Variants in HNF4G observed in about 807,000 individuals in gnomAD.
HNF4G encodes the protein hepatocyte nuclear factor 4-gamma.
A neutral mutation model predicts 50.9 loss-of-function variants in HNF4G; 21 were observed. That is an observed-to-expected ratio of 0.41 (90% CI 0.29 to 0.59). HNF4G has a LOEUF of 0.59. Ranked by LOEUF, HNF4G falls within the 20% of genes least tolerant of loss-of-function variation. The probability of loss-of-function intolerance (pLI) is 0.26; values close to 1 mark genes in which losing one functional copy is unlikely to be tolerated. For missense variants in HNF4G, 527 were observed against 559.4 expected (o/e 0.94, Z 0.58); for synonymous variants, 198 against 185.6 (o/e 1.07, Z -0.54).
intron 1 of HNF4G, among the ~76,000 whole-genome samples, chr8:75,540,598 G>A (rs1444057039): frequency 2.0e-5 from 3 of 152,006 alleles, no homozygotes; most frequent in Non-Finnish European, 2.9e-5. Context: ...ATATGAAAGG[G>A]AATAAGGCTT....
intron 2 of HNF4G, among the ~76,000 whole-genome samples, chr8:75,516,015 C>T (rs573786669): frequency 1.6e-4 from 24 of 152,264 alleles, no homozygotes; most frequent in East Asian, 7.7e-4. Context: ...CTGCCTGCCT[C>T]GGCCTCCCAA....
chr8:75,541,380 C>G (rs1806616977), intron 1 of HNF4G, among the ~76,000 whole-genome samples: 1 of 152,098 alleles, frequency 6.6e-6, no homozygotes, highest in Non-Finnish European at 1.5e-5. Flanking sequence ...TATATAGTCT[C>G]TCAGAATACA....
chr8:75,464,432 T>C lies in HNF4G; in HGVS notation c.-143-25657T>C, dbSNP rs1208329781. Among the ~76,000 whole-genome samples the C allele has an allele frequency of 2.6e-5, 4 of 152,302 alleles. No individual in the cohort carries two copies. In the East Asian group the frequency reaches 7.7e-4, roughly 29 times the overall value. On this transcript the variant is annotated intron_variant, in intron 1 of 10. Transcript: ENST00000354370. ...GTTTCCTGCACTAAATTTGCCTTTA[T>C]CTTATCCTCAGTTTTTTACCCCCTC... is the stretch of plus-strand genomic sequence containing the variant.
At chr8:75,524,224 A>G (rs1806123262) in intron 2 of HNF4G, among the ~76,000 whole-genome samples, 2 of 152,176 alleles carry the variant, frequency 1.3e-5, no homozygotes, top group African/African-American at 2.4e-5. Flanking sequence ...AATGATGTAA[A>G]TATTATACAT....
intron 1 of HNF4G, among the ~76,000 whole-genome samples, chr8:75,472,315 T>C (rs1283135466): frequency 1.3e-5 from 2 of 152,196 alleles, no homozygotes; most frequent in Non-Finnish European, 2.9e-5. Flanking sequence ...AGGCAGGAGA[T>C]GGGGATTCAA....
intron 1 of HNF4G, among the ~76,000 whole-genome samples, chr8:75,540,931 C>T (rs1030558590): frequency 1.3e-5 from 2 of 149,944 alleles, no homozygotes; most frequent in African/African-American, 2.5e-5. Context: ...TCTTACTATT[C>T]TACTGTATTG....
Position 75,521,877 on chromosome 8 carries a change from C to A in HNF4G, c.-23-21934C>A, listed in dbSNP as rs573816886. Among the ~76,000 whole-genome samples, 530 of 152,282 alleles carry A rather than the reference C, an allele frequency of 3.5e-3. 6 individuals are homozygous for A. Among genetic ancestry groups the A allele is most frequent in the African/African-American group, 0.012 (507 of 41,562 alleles). ...CACTTTTGTATGTCTCCATTCCCCC[C>A]ACACACAGTCCTTGCCTTACAATGG... On this transcript the variant is annotated intron_variant, in intron 2 of 10. Coordinates refer to the HNF4G transcript ENST00000354370.
intron 1 of HNF4G, among the ~76,000 whole-genome samples, chr8:75,418,715 T>C (rs1206606955): frequency 6.9e-6 from 1 of 145,232 alleles, no homozygotes; most frequent in Admixed American, 6.9e-5. Flanking sequence ...TAAGTCTCTC[T>C]CTCTCTCTTT....
At chr8:75,521,915 T>A (rs943284726) in intron 2 of HNF4G, among the ~76,000 whole-genome samples, 2 of 152,176 alleles carry the variant, frequency 1.3e-5, no homozygotes, top group African/African-American at 4.8e-5. Flanking sequence ...CTATTTAGGA[T>A]TTTTGGGTTT....
chr8:75,484,628 T>C (rs1485356111), intron 1 of HNF4G, among the ~76,000 whole-genome samples: 1 of 152,226 alleles, frequency 6.6e-6, no homozygotes, highest in East Asian at 1.9e-4. Context: ...ATGGTATATA[T>C]TATGATTATA....
chr8:75,497,634 A>C (rs1321673385), intron 2 of HNF4G, among the ~76,000 whole-genome samples: 1 of 151,970 alleles, frequency 6.6e-6, no homozygotes, highest in Non-Finnish European at 1.5e-5. Flanking sequence ...CAGTGAGCCA[A>C]AATCATGCCA....
chr8:75,414,402 A>G (rs1197548021), intron 1 of HNF4G, among the ~76,000 whole-genome samples: 1 of 152,180 alleles, frequency 6.6e-6, no homozygotes, highest in East Asian at 1.9e-4. Context: ...CATACCATAA[A>G]CAGCGTATAT....
chr8:75,499,121 T>C (rs1210828558), intron 2 of HNF4G, among the ~76,000 whole-genome samples: 4 of 152,080 alleles, frequency 2.6e-5, no homozygotes, highest in African/African-American at 9.7e-5. Context: ...ATGTTTTATA[T>C]AGAAAGCCCC....
chr8:75,458,996 A>G (rs187889773), intron 1 of HNF4G, among the ~76,000 whole-genome samples: 1 of 152,284 alleles, frequency 6.6e-6, no homozygotes, highest in Admixed American at 6.5e-5. Flanking sequence ...TACTGTAATT[A>G]TATTCAAACT....
intron 2 of HNF4G, among the ~76,000 whole-genome samples, chr8:75,501,588 T>C (rs1812927770): frequency 6.6e-6 from 1 of 152,160 alleles, no homozygotes; most frequent in African/African-American, 2.4e-5. Flanking sequence ...TGTTCAGTAA[T>C]AGTGTGTAGA....
At position 75,564,471 on chromosome 8, in the gene HNF4G, A is replaced by T. The variant is rs535578455; in HGVS notation, c.*375A>T. On this transcript the variant is annotated 3_prime_UTR_variant, in exon 10 of 10. Transcript: ENST00000396423. ...GAACAAAGTGTTCGTTTTTGACTGAAAATAGTAGATCAGAAATCTCAGTTT... is the reference window on the plus strand; with the variant it reads ...GAACAAAGTGTTCGTTTTTGACTGATAATAGTAGATCAGAAATCTCAGTTT... The T allele has an allele frequency of 1.9e-4, 29 of 155,386 alleles. No homozygotes were observed. Among genetic ancestry groups the T allele is most frequent in the Non-Finnish European group, 3.8e-4 (27 of 70,228 alleles). 9.6% of individuals were successfully genotyped at this position (155,386 alleles called of 1,614,324 possible). A position where few individuals can be genotyped will look rare whatever the true frequency, so the allele number is the denominator to read the frequency against.
At chr8:75,524,884 A>C (rs1271498834) in intron 2 of HNF4G, among the ~76,000 whole-genome samples, 4 of 152,230 alleles carry the variant, frequency 2.6e-5, no homozygotes, top group Non-Finnish European at 5.9e-5. Context: ...TTATGCCAAA[A>C]TAAAATTAGG....
At chr8:75,469,402 G>C (rs1295727542) in intron 1 of HNF4G, among the ~76,000 whole-genome samples, 1 of 152,140 alleles carries the variant, frequency 6.6e-6, no homozygotes, top group East Asian at 1.9e-4. Flanking sequence ...ACATCAGAGG[G>C]ACAGTATATG....
chr8:75,494,848 C>T (rs568482036), intron 2 of HNF4G, among the ~76,000 whole-genome samples: 1 of 151,928 alleles, frequency 6.6e-6, no homozygotes, highest in African/African-American at 2.4e-5. Flanking sequence ...TAACAATAAA[C>T]ATCTCTACTT....
Sources: allele counts gnomAD v4.1 joint callset (sites outside exome capture counted in the v4.1 genomes callset), GRCh38; gene constraint gnomAD v4.1.1; transcripts MANE v1.5; gene names NCBI Gene and HGNC (gene_info 2026-07-23, HGNC 2026-07-21).